Variants in GUSB observed in about 807,000 individuals in gnomAD.
GUSB encodes glucuronidase beta.
Under a neutral mutation model 74.6 loss-of-function variants are expected in GUSB, and 51 were observed. The ratio of observed to expected loss-of-function variants is 0.68; its 90% confidence interval spans 0.55 to 0.86. The LOEUF (loss-of-function observed/expected upper bound fraction) is 0.86. Ranked by LOEUF, GUSB falls within the 40% of genes least tolerant of loss-of-function variation. The pLI is 0.00. For synonymous variants in GUSB, 360 were observed against 348.3 expected, an observed-to-expected ratio of 1.03 and a Z score of -0.37; for missense variants, 736 against 853.7, an observed-to-expected ratio of 0.86 and a Z score of 1.72.
At chr7:65,977,396 C>T (rs1402261839) in intron 4 of GUSB, among the ~76,000 whole-genome samples, 1 of 152,174 alleles carries the variant, frequency 6.6e-6, no homozygotes, top group Non-Finnish European at 1.5e-5. Flanking sequence ...CCCATCTCGG[C>T]CTCCAAAAGT....
rs1791922890 is a variant in GUSB, at chr7:65,980,362, G to A, written c.258C>T (p.Ile86=). The part of the protein sequence containing the change: ...DMPVPSSFND[I]SQDWRLRHFV... ...AATGCCGCAGACGCCAGTCCTGGCT[G>A]ATGTCATTGAAGCTGGAGGGAACTG... The change falls in exon 2 of 12, where the codon ATC becomes ATT. Residue 86 remains isoleucine, a synonymous_variant. Transcript: ENST00000304895. 6.2e-7 allele frequency: 1 copy of A among 1,613,960 alleles called. No individual in the cohort carries two copies. The highest frequency in any genetic ancestry group is 1.3e-5 in the African/African-American group (1 of 75,068).
Position 65,974,975 on chromosome 7 carries a change from G to A in GUSB, c.1009C>T (p.Leu337Phe). 1 of 1,613,840 alleles carries A rather than the reference G, an allele frequency of 6.2e-7. No individual in the cohort carries two copies. Among genetic ancestry groups the A allele is most frequent in the Non-Finnish European group, 8.5e-7 (1 of 1,179,740 alleles). Residue 337 changes from leucine (L) to phenylalanine (F), a missense_variant, in exon 6 of 12, where the codon CTC becomes TTC. Physicochemically the swap from Leu to Phe is conservative, Grantham distance 22. Around this residue, in one of 2 missense-constraint regions of GUSB, gnomAD observed 368 missense variants for 489.9 expected, o/e 0.75. Coordinates refer to ENST00000304895, the MANE Select transcript of GUSB (RefSeq NM_000181.4). ...AAATAGAAAGGTTTCCCATTGATGAGGAACTGGCTCTTGGTGACAGCCACA... is the reference window on the plus strand; with the variant it reads ...AAATAGAAAGGTTTCCCATTGATGAAGAACTGGCTCTTGGTGACAGCCACA... ...RTVAVTKSQF[L>F]INGKPFYFHG...
chr7:65,974,928 C>G lies in GUSB; in HGVS notation c.1056G>C (p.Glu352Asp), dbSNP rs200412277. ...AGGAGCCCCAACACACGTCCGCATC[C>G]TCATGCTTGTTGACACCGTGGAAAT... ...PFYFHGVNKH[E>D]DADIRGKGFD... The change falls in exon 6 of 12, where the codon GAG becomes GAC. Residue 352 changes from glutamate (E) to aspartate (D), a missense_variant. Around this residue, in one of 2 missense-constraint regions of GUSB, gnomAD observed 368 missense variants for 489.9 expected, o/e 0.75. Coordinates refer to ENST00000304895, the MANE Select transcript of GUSB (RefSeq NM_000181.4). The G allele has an allele frequency of 6.2e-7, 1 of 1,613,736 alleles. No individual in the cohort carries two copies. The highest frequency in any genetic ancestry group is 1.3e-5 in the African/African-American group (1 of 74,918).
At position 65,980,051 on chromosome 7, in the gene GUSB, G is replaced by A. The variant is rs1332463243; in HGVS notation, c.397-140C>T. 5 of 934,212 alleles carry A rather than the reference G, an allele frequency of 5.4e-6. No homozygotes were observed. In the African/African-American group the frequency reaches 8.1e-5, roughly 15 times the overall value. The allele number at this position is 934,212 out of a possible 1,614,324, so 57.9% of individuals were successfully genotyped here. On this transcript the variant is annotated intron_variant, in intron 2 of 11. Coordinates refer to ENST00000304895, the MANE Select transcript of GUSB (RefSeq NM_000181.4). ...AGACGGGAAGAATGACATCCCAATG[G>A]GGTAGATCAGGCTACCTATCCCCCT...
At chr7:65,975,615 C>A in intron 5 of GUSB, 1 of 210,564 alleles carries the variant, frequency 4.7e-6, no homozygotes. Flanking sequence ...GAACTCTTGG[C>A]CTCAAGTGAT....
Position 65,960,992 on chromosome 7 carries a change from G to A in GUSB, c.1861C>T (p.Leu621Phe). The A allele has an allele frequency of 6.2e-7, 1 of 1,613,650 alleles. No individual in the cohort carries two copies. The highest frequency in any genetic ancestry group is 1.1e-5 in the South Asian group (1 of 91,058). ...RQRQPKSAAFLLRERYWKIAN... is the reference protein window; with the variant it reads ...RQRQPKSAAFFLRERYWKIAN... ...ATCTTCCAGTATCTCTCTCGCAAAA[G>A]GAACGCTGCACTTTTTGGTTGTCTC... The change falls in exon 12 of 12, where the codon CTT (leucine) becomes TTT (phenylalanine). Residue 621 changes from leucine to phenylalanine, a missense_variant. Physicochemically the swap from Leu to Phe is conservative, Grantham distance 22. This residue lies in a region of GUSB where 368 missense variants were observed against 489.9 expected (regional missense o/e 0.75). Coordinates refer to ENST00000304895, the MANE Select transcript of GUSB (RefSeq NM_000181.4).
At chr7:65,969,055 G>A (rs1205675081) in intron 9 of GUSB, among the ~76,000 whole-genome samples, 1 of 152,076 alleles carries the variant, frequency 6.6e-6, no homozygotes, top group African/African-American at 2.4e-5. Flanking sequence ...CAACTGGCTA[G>A]TTTCTAATGC....
intron 8 of GUSB, among the ~76,000 whole-genome samples, chr7:65,970,744 C>G (rs1320146087): frequency 6.6e-6 from 1 of 152,048 alleles, no homozygotes; most frequent in Admixed American, 6.6e-5. Context: ...AAAAAATTAG[C>G]CGGGCGTGGT....
At chr7:65,980,677 G>T in intron 1 of GUSB, 1 of 508,598 alleles carries the variant, frequency 2.0e-6, no homozygotes, top group Middle Eastern at 5.5e-4. Context: ...CCCAGCCAGA[G>T]GCAAGAAGGT....
intron 10 of GUSB, 147 bp downstream of exon 10, chr7:65,967,584 C>T (rs1583899709): frequency 5.5e-6 from 4 of 730,096 alleles, no homozygotes; most frequent in South Asian, 2.9e-5. Flanking sequence ...TGGCTGTTGG[C>T]GGTGAGGGAA....
In GUSB at chr7:65,982,085, G is replaced by A. The variant is rs1167563693; in HGVS notation, c.99C>T (p.Ser33=). The change falls in exon 1 of 12, where the codon AGC becomes AGT. Residue 33 remains serine (S), a synonymous_variant. Transcript: ENST00000304895. The part of the protein sequence containing the change: ...LQGGMLYPQE[S]PSRECKELDG... Reference sequence around the variant, plus strand: ...CCAGCTCCTTGCACTCCCGCGACGGGCTCTCCTGGGGGTACAGCATCCCGC... The same window carrying A: ...CCAGCTCCTTGCACTCCCGCGACGGACTCTCCTGGGGGTACAGCATCCCGC... 3.7e-6 allele frequency: 6 copies of A among 1,605,972 alleles called. No individual in the cohort carries two copies. The highest frequency in any genetic ancestry group is 1.7e-5 in the Admixed American group (1 of 59,496).
At chr7:65,962,551 G>A (rs547613952) in intron 11 of GUSB, among the ~76,000 whole-genome samples, 1 of 152,252 alleles carries the variant, frequency 6.6e-6, no homozygotes, top group East Asian at 1.9e-4. Flanking sequence ...TGCCCAACGT[G>A]ATGCAGCTCA....
chr7:65,960,805 T>C lies in GUSB; in HGVS notation c.*92A>G. ...AACCCAGGCCAGAAACGTTCTGGTC[T>C]GCCGTGAACAGTCCAGGAGGCACTT... On this transcript the variant is annotated 3_prime_UTR_variant, in exon 12 of 12. Coordinates refer to ENST00000304895, the MANE Select transcript of GUSB (RefSeq NM_000181.4). 9.7e-6 allele frequency: 10 copies of C among 1,031,452 alleles called. No homozygotes were observed. The highest frequency in any genetic ancestry group is 1.5e-5 in the Non-Finnish European group (10 of 649,618). 63.9% of individuals were successfully genotyped at this position (1,031,452 alleles called of 1,614,324 possible).
At position 65,980,219 on chromosome 7, in the gene GUSB, C is replaced by A; in HGVS notation, c.396+5G>T. The A allele has an allele frequency of 1.3e-6, 2 of 1,591,818 alleles. No homozygotes were observed. Among genetic ancestry groups the A allele is most frequent in the Non-Finnish European group, 1.7e-6 (2 of 1,166,916 alleles). On this transcript the variant is annotated splice_donor_5th_base_variant and intron_variant, in intron 2 of 11. Transcript: ENST00000304895. ...CCCGCCCTGCCTGCTCCTGGCCGCA[C>A]TGACCACGATGGCATAGGAATGGGC...
intron 4 of GUSB, among the ~76,000 whole-genome samples, chr7:65,978,453 C>T (rs1409317928): frequency 7.2e-6 from 1 of 139,522 alleles, no homozygotes; most frequent in Admixed American, 7.2e-5. Flanking sequence ...ATCTCAAAAA[C>T]AAAAAACAAA....
chr7:65,968,255 A>G (rs934193637), intron 9 of GUSB, among the ~76,000 whole-genome samples: 2 of 145,456 alleles, frequency 1.4e-5, no homozygotes, highest in African/African-American at 5.0e-5. Context: ...AAAAAAACCT[A>G]GAACGGGAAC....
intron 4 of GUSB, among the ~76,000 whole-genome samples, chr7:65,977,807 TA>T (rs962894619): frequency 7.3e-5 from 11 of 151,608 alleles, no homozygotes; most frequent in Admixed American, 2.6e-4. Context: ...GATATATATA[TA>T]TTTTTTTATT....
chr7:65,971,582 C>A (rs558654329), intron 8 of GUSB, among the ~76,000 whole-genome samples: 1 of 151,838 alleles, frequency 6.6e-6, no homozygotes, highest in Non-Finnish European at 1.5e-5. Flanking sequence ...ACAAAAAAAA[C>A]CTAGCTGGGC....
chr7:65,960,987 C>T lies in GUSB; in HGVS notation c.1866G>A (p.Leu622=). The part of the protein sequence containing the change: ...QRQPKSAAFL[L]RERYWKIANE... ...TGGCAATCTTCCAGTATCTCTCTCG[C>T]AAAAGGAACGCTGCACTTTTTGGTT... The change falls in exon 12 of 12, where the codon TTG becomes TTA. Residue 622 remains leucine, a synonymous_variant. Coordinates refer to ENST00000304895, the MANE Select transcript of GUSB (RefSeq NM_000181.4). 2 of 1,613,128 alleles carry T rather than the reference C, an allele frequency of 1.2e-6. No homozygotes were observed. Among genetic ancestry groups the T allele is most frequent in the Non-Finnish European group, 1.7e-6 (2 of 1,179,832 alleles).
Sources: allele counts gnomAD v4.1 joint callset (sites outside exome capture counted in the v4.1 genomes callset), GRCh38; gene constraint gnomAD v4.1.1; regional missense constraint gnomAD v4.1.1; transcripts MANE v1.5; gene names NCBI Gene and HGNC (gene_info 2026-07-23, HGNC 2026-07-21).